The following LMCD1 variants were observed in gnomAD, a reference collection of about 807,000 sequenced individuals.
LMCD1 encodes LIM and cysteine-rich domains protein 1.
LMCD1 carries 32 observed loss-of-function variants against 42.7 expected under a neutral mutation model. That is an observed-to-expected ratio of 0.75 (90% CI 0.57 to 1.01). The LOEUF (loss-of-function observed/expected upper bound fraction) is 1.01. Ranked by LOEUF, LMCD1 falls within the 50% of genes least tolerant of loss-of-function variation. The probability of loss-of-function intolerance (pLI) is 0.00; values close to 1 mark genes in which losing one functional copy is unlikely to be tolerated. For synonymous variants in LMCD1, 178 were observed against 184.9 expected (o/e 0.96, Z 0.30); for missense variants, 458 against 483.1 (o/e 0.95, Z 0.49).
chr3:8,549,481 T>C lies in LMCD1; in HGVS notation c.723+578T>C, dbSNP rs564799426. The stretch of plus-strand genomic sequence containing the variant: ...TCAGTCAAATACTGATTAGCTTGTA[T>C]TAGCTGCACTGCCCCAGGAAATCAA... On this transcript the variant is annotated intron_variant, in intron 4 of 5. Transcript: ENST00000157600. Among the ~76,000 whole-genome samples the C allele has an allele frequency of 1.4e-4, 22 of 152,206 alleles. No homozygotes were observed. In the South Asian group the frequency reaches 3.3e-3, roughly 23 times the overall value.
intron 4 of LMCD1, among the ~76,000 whole-genome samples, chr3:8,556,284 A>T (rs898001123): frequency 1.3e-5 from 2 of 152,206 alleles, no homozygotes; most frequent in African/African-American, 4.8e-5. Context: ...TTCAGGTCAC[A>T]ATCCGTCAGT....
rs778308075 is a variant in LMCD1, at chr3:8,501,925, C to A, written c.-14C>A. 3.2e-5 allele frequency: 51 copies of A among 1,585,754 alleles called. No homozygotes were observed. Among genetic ancestry groups the A allele is most frequent in the Non-Finnish European group, 3.9e-5 (45 of 1,167,588 alleles). On this transcript the variant is annotated 5_prime_UTR_variant, in exon 1 of 6. Transcript: ENST00000157600. ...CCTGAGAAGCCAGGCGCTGTTCCCC[C>A]ACCCCAGAAGAGGATGGCAAAGGTG...
At chr3:8,557,297 G>A (rs1225912941) in intron 4 of LMCD1, among the ~76,000 whole-genome samples, 1 of 152,202 alleles carries the variant, frequency 6.6e-6, no homozygotes, top group Non-Finnish European at 1.5e-5. Flanking sequence ...ATGGTAAATA[G>A]TCACCATAAG....
At chr3:8,547,200 G>A (rs903706513) in intron 3 of LMCD1, among the ~76,000 whole-genome samples, 3 of 152,180 alleles carry the variant, frequency 2.0e-5, no homozygotes, top group African/African-American at 7.2e-5. Flanking sequence ...GCACACAATA[G>A]CAGATGCAAA....
At chr3:8,555,743 G>C (rs546531796) in intron 4 of LMCD1, among the ~76,000 whole-genome samples, 2 of 64,678 alleles carry the variant, frequency 3.1e-5, no homozygotes, top group African/African-American at 1.9e-4. Context: ...TTTTTTTTGA[G>C]TGGGCTGCAT....
intron 4 of LMCD1, among the ~76,000 whole-genome samples, chr3:8,551,737 G>A (rs1043712550): frequency 2.0e-5 from 3 of 152,182 alleles, no homozygotes; most frequent in African/African-American, 7.2e-5. Flanking sequence ...AGTGGGTGTG[G>A]GCTGCACTCC....
intron 3 of LMCD1, among the ~76,000 whole-genome samples, chr3:8,540,181 C>A (rs1035856946): frequency 6.6e-6 from 1 of 152,026 alleles, no homozygotes; most frequent in African/African-American, 2.4e-5. Flanking sequence ...AATTGACCAA[C>A]TTTTTTTTAA....
Position 8,571,098 on chromosome 3 carries a change from C to G in LMCD1, c.*3500C>G, listed in dbSNP as rs1695206076. ...AGAGGGGCTGCCATCCCCACCCCTC[C>G]CACTCTCTAGGAAGACTTTCCTCCC... On this transcript the variant is annotated 3_prime_UTR_variant, in exon 6 of 6. Transcript: ENST00000157600. The G allele has an allele frequency of 6.6e-6, 1 of 152,190 alleles. No homozygotes were observed. Among genetic ancestry groups the G allele is most frequent in the South Asian group, 2.1e-4 (1 of 4,834 alleles). 9.4% of individuals were successfully genotyped at this position (152,190 alleles called of 1,614,324 possible). A position where few individuals can be genotyped will look rare whatever the true frequency, so the allele number is the denominator to read the frequency against.
At chr3:8,502,569 TACACAC>T (rs5846600) in intron 1 of LMCD1, among the ~76,000 whole-genome samples, 2,155 of 134,392 alleles carry the variant, frequency 0.016, 41 homozygotes, top group East Asian at 0.082. Flanking sequence ...TTTCCCCCAA[TACACAC>T]ACACACACAC....
In LMCD1 at chr3:8,569,899, G is replaced by C. The variant is rs960818569; in HGVS notation, c.*2301G>C. ...TATCAGTTACTCTAGAGGATAACCTGAGCCCAGTAAGTCAAGGCTGCAGTG... is the reference window on the plus strand; with the variant it reads ...TATCAGTTACTCTAGAGGATAACCTCAGCCCAGTAAGTCAAGGCTGCAGTG... On this transcript the variant is annotated 3_prime_UTR_variant, in exon 6 of 6. Coordinates refer to ENST00000157600, the MANE Select transcript of LMCD1 (RefSeq NM_014583.4). 11 of 151,734 alleles carry C rather than the reference G, an allele frequency of 7.2e-5. No homozygotes were observed. The highest frequency in any genetic ancestry group is 1.6e-4 in the Non-Finnish European group (11 of 68,838). 9.4% of individuals were successfully genotyped at this position (151,734 alleles called of 1,614,324 possible). A position where few individuals can be genotyped will look rare whatever the true frequency, so the allele number is the denominator to read the frequency against.
chr3:8,532,043 A>T (rs1334076102), intron 1 of LMCD1, among the ~76,000 whole-genome samples: 3 of 152,170 alleles, frequency 2.0e-5, no homozygotes, highest in Non-Finnish European at 4.4e-5. Flanking sequence ...AGTCGGGTCT[A>T]AGGGTCTGTA....
At chr3:8,559,546 A>G (rs556919713) in intron 4 of LMCD1, among the ~76,000 whole-genome samples, 2 of 152,322 alleles carry the variant, frequency 1.3e-5, no homozygotes, top group Admixed American at 6.5e-5. Flanking sequence ...CTGACTTGGT[A>G]TCTCCCCTCT....
intron 1 of LMCD1, among the ~76,000 whole-genome samples, chr3:8,510,541 G>A (rs1028209244): frequency 1.3e-5 from 2 of 152,166 alleles, no homozygotes; most frequent in African/African-American, 4.8e-5. Flanking sequence ...CTGAAATTTA[G>A]CATTTCTTTC....
At position 8,569,026 on chromosome 3, in the gene LMCD1, C is replaced by A. The variant is rs939008638; in HGVS notation, c.*1428C>A. The stretch of plus-strand genomic sequence containing the variant: ...TGCTCCCAGCTCCTTTCTCTAGTCA[C>A]CCTCAGTTTCCTCGTCATGTTCATC... On this transcript the variant is annotated 3_prime_UTR_variant, in exon 6 of 6. Transcript: ENST00000157600. The A allele has an allele frequency of 6.6e-6, 1 of 152,204 alleles. No individual in the cohort carries two copies. The highest frequency in any genetic ancestry group is 1.5e-5 in the Non-Finnish European group (1 of 68,038). The allele number at this position is 152,204 out of a possible 1,614,324, so 9.4% of individuals were successfully genotyped here. A position where few individuals can be genotyped will look rare whatever the true frequency, so the allele number is the denominator to read the frequency against.
chr3:8,539,732 T>C (rs1294524660), intron 3 of LMCD1, among the ~76,000 whole-genome samples: 2 of 151,966 alleles, frequency 1.3e-5, no homozygotes, highest in South Asian at 2.1e-4. Flanking sequence ...CATCTGGGCG[T>C]CCAGGGCAAG....
chr3:8,567,653 GGT>G lies in LMCD1; in HGVS notation c.*59_*60del. On this transcript the variant is annotated 3_prime_UTR_variant, in exon 6 of 6. Transcript: ENST00000157600. ...AGGATCCCACCGAGAAGGAGAGCCAGGTGTGCCGAGACCATCCTAAGGGTCCG... is the reference window on the plus strand; with the variant it reads ...AGGATCCCACCGAGAAGGAGAGCCAGGTGCCGAGACCATCCTAAGGGTCCG... The G allele has an allele frequency of 1.3e-6, 2 of 1,564,552 alleles. No individual in the cohort carries two copies. Among genetic ancestry groups the G allele is most frequent in the Non-Finnish European group, 1.7e-6 (2 of 1,153,562 alleles).
chr3:8,513,724 C>T (rs954768172), intron 1 of LMCD1, among the ~76,000 whole-genome samples: 3 of 152,102 alleles, frequency 2.0e-5, no homozygotes, highest in South Asian at 4.1e-4. Context: ...GTTGTCATCG[C>T]TTATTACTAT....
chr3:8,565,487 A>G lies in LMCD1; in HGVS notation c.779A>G (p.Asp260Gly), dbSNP rs750586529. Residue 260 changes from aspartate to glycine, a missense_variant, in exon 5 of 6, where the codon GAC (aspartate) becomes GGC (glycine). Coordinates refer to ENST00000157600, the MANE Select transcript of LMCD1 (RefSeq NM_014583.4). ...CCTGACAGCCCCGTGGTCTACTCGG[A>G]CAGGGCAGGCTACAACAAGCAGTGG... ...APPDSPVVYS[D>G]RAGYNKQWHP... 14 of 1,614,182 alleles carry G rather than the reference A, an allele frequency of 8.7e-6. No individual in the cohort carries two copies. The highest frequency in any genetic ancestry group is 4.5e-5 in the East Asian group (2 of 44,882).
chr3:8,550,214 G>T (rs890028974), intron 4 of LMCD1: 4 of 1,223,902 alleles, frequency 3.3e-6, no homozygotes, highest in Non-Finnish European at 4.1e-6. Flanking sequence ...GCTGGACCAC[G>T]TGGGTCTAGC....
Sources: allele counts gnomAD v4.1 joint callset (sites outside exome capture counted in the v4.1 genomes callset), GRCh38; gene constraint gnomAD v4.1.1; transcripts MANE v1.5; gene names NCBI Gene and HGNC (gene_info 2026-07-23, HGNC 2026-07-21).